ATP2C2: variants seen among roughly 807,000 people sequenced by gnomAD.
ATP2C2 encodes the protein ATPase secretory pathway Ca2+ transporting 2.
A neutral mutation model predicts 110.8 loss-of-function variants in ATP2C2; 171 were observed. The ratio of observed to expected loss-of-function variants is 1.54; its 90% confidence interval spans 1.36 to 1.75. The LOEUF (loss-of-function observed/expected upper bound fraction) is 1.75. ATP2C2 is among the 40% of genes most tolerant of loss of function. The pLI is 0.00. For synonymous variants in ATP2C2, 804 were observed against 508.4 expected (o/e 1.58, Z -7.82); for missense variants, 1,963 against 1,235.0 (o/e 1.59, Z -8.84).
chr16:84,403,889 C>A (rs1349057605), intron 2 of ATP2C2, among the ~76,000 whole-genome samples: 1 of 152,148 alleles, frequency 6.6e-6, no homozygotes, highest in African/African-American at 2.4e-5. Context: ...CGGGCTTTTG[C>A]CATGTTGACA....
intron 2 of ATP2C2, among the ~76,000 whole-genome samples, chr16:84,399,945 C>A (rs1405562239): frequency 6.6e-6 from 1 of 152,214 alleles, no homozygotes; most frequent in Non-Finnish European, 1.5e-5. Context: ...AACCATCCTA[C>A]TATCTCCATG....
chr16:84,454,336 G>T (rs1210031550), intron 20 of ATP2C2, among the ~76,000 whole-genome samples: 2 of 152,238 alleles, frequency 1.3e-5, no homozygotes, highest in East Asian at 3.9e-4. Context: ...TGGTTTTCTC[G>T]CCTGTGCTCT....
intron 11 of ATP2C2, among the ~76,000 whole-genome samples, chr16:84,429,354 T>C (rs11646821): frequency 0.37 from 56,738 of 151,884 alleles, 10,750 homozygotes; most frequent in South Asian, 0.4. Context: ...GATTTCACCA[T>C]GTTGGCTAGG....
chr16:84,411,255 C>A (rs751993951), intron 6 of ATP2C2, among the ~76,000 whole-genome samples: 17 of 152,058 alleles, frequency 1.1e-4, no homozygotes, highest in Non-Finnish European at 1.9e-4. Flanking sequence ...AGCCTCTTTC[C>A]TGCCCACAGT....
rs200531713 is a variant in ATP2C2 at position 84,423,194 on chromosome 16, A to G, written c.850A>G (p.Lys284Glu). ...FKMMQAEETP[K>E]TPLQKSMDRL... ...ATTGTGCTCACCCTTTCAGACACCT[A>G]AAACTCCTTTGCAGAAAAGCATGGA... Residue 284 changes from lysine (K) to glutamate (E), a missense_variant, in exon 10 of 27, where the codon AAA becomes GAA. Transcript: ENST00000262429. The G allele has an allele frequency of 1.6e-4, 258 of 1,614,054 alleles. No individual in the cohort carries two copies. The highest frequency in any genetic ancestry group is 6.7e-4 in the African/African-American group (50 of 75,056).
At chr16:84,391,140 A>T (rs1904639654) in intron 1 of ATP2C2, among the ~76,000 whole-genome samples, 1 of 150,568 alleles carries the variant, frequency 6.6e-6, no homozygotes, top group Admixed American at 6.6e-5. Context: ...AAAAAGAAGA[A>T]GAAGAAGGGA....
chr16:84,448,613 C>A lies in ATP2C2; in HGVS notation c.1584C>A (p.Ile528=), dbSNP rs1909977921. The change falls in exon 17 of 27, where the codon ATC becomes ATA. Residue 528 remains isoleucine, a synonymous_variant. Transcript: ENST00000262429. The stretch of plus-strand genomic sequence containing the variant: ...GCACCATGTACAACAACGGGGGCAT[C>A]CCCCTGCCGCTGACGCCCCAGCAGA... ...RYCTMYNNGG[I]PLPLTPQQRS... 6.2e-7 allele frequency: 1 copy of A among 1,613,900 alleles called. No homozygotes were observed. Among genetic ancestry groups the A allele is most frequent in the African/African-American group, 1.3e-5 (1 of 74,922 alleles).
At chr16:84,409,775 T>C (rs540714739) in intron 4 of ATP2C2, among the ~76,000 whole-genome samples, 1 of 152,286 alleles carries the variant, frequency 6.6e-6, no homozygotes, top group South Asian at 2.1e-4. Context: ...ATAGCTGGGA[T>C]TGTAGGCGTG....
chr16:84,439,053 A>G, intron 11 of ATP2C2, 113 bp from the exon 12 acceptor site: 1 of 1,467,428 alleles, frequency 6.8e-7, no homozygotes, highest in Non-Finnish European at 9.3e-7. Flanking sequence ...TAGAACCAGG[A>G]CACTGGGGAC....
At chr16:84,394,013 AAAAAAT>A (rs1423307294) in intron 1 of ATP2C2, among the ~76,000 whole-genome samples, 4 of 131,814 alleles carry the variant, frequency 3.0e-5, no homozygotes, top group Non-Finnish European at 6.9e-5. Flanking sequence ...AAAAAAAATA[AAAAAAT>A]AAAAAATAAA....
At chr16:84,408,305 C>G (rs1234687811) in intron 3 of ATP2C2, 100 bp from the exon 4 acceptor site, 2 of 1,165,030 alleles carry the variant, frequency 1.7e-6, no homozygotes, top group African/African-American at 3.0e-5. Context: ...AAGCCTGGCC[C>G]TGAACTGAGA....
At chr16:84,448,372 C>T (rs1260424212) in intron 16 of ATP2C2, among the ~76,000 whole-genome samples, 161 bp from the exon 17 acceptor site, 1 of 152,178 alleles carries the variant, frequency 6.6e-6, no homozygotes, top group Non-Finnish European at 1.5e-5. Context: ...TAGAACTTCG[C>T]GAACCTGTCC....
intron 6 of ATP2C2, among the ~76,000 whole-genome samples, chr16:84,412,452 CTG>C (rs138173740): frequency 0.1 from 14,244 of 139,916 alleles, 1,080 homozygotes; most frequent in East Asian, 0.35. Context: ...ATGTGTGTGT[CTG>C]TGTCTCCGTG....
chr16:84,406,646 C>T (rs1428549923), intron 3 of ATP2C2: 2 of 985,408 alleles, frequency 2.0e-6, no homozygotes, highest in Non-Finnish European at 2.4e-6. Flanking sequence ...AAATAGGCTT[C>T]TGGGTATGTA....
At chr16:84,433,349 C>T (rs990920402) in intron 11 of ATP2C2, among the ~76,000 whole-genome samples, 1 of 152,038 alleles carries the variant, frequency 6.6e-6, no homozygotes, top group African/African-American at 2.4e-5. Context: ...TGCCACTGCA[C>T]TCCAACCTGG....
intron 11 of ATP2C2, among the ~76,000 whole-genome samples, chr16:84,427,578 G>A (rs978457601): frequency 6.6e-6 from 1 of 152,102 alleles, no homozygotes; most frequent in South Asian, 2.1e-4. Context: ...TTAACTGGGT[G>A]TGGTGGCAGG....
chr16:84,455,181 C>T (rs1236932934), intron 21 of ATP2C2, among the ~76,000 whole-genome samples, 197 bp downstream of exon 21: 1 of 151,930 alleles, frequency 6.6e-6, no homozygotes, highest in Non-Finnish European at 1.5e-5. Context: ...GTCATGGGGT[C>T]CATGATGCCT....
chr16:84,460,655 T>G lies in ATP2C2; in HGVS notation c.2335T>G (p.Leu779Val), dbSNP rs755594312. ...GTGTCTGTGTCTTGTTCGGAGCAGC[T>G]TGGGGGTAGAGCCCGTTGACAAAGA... ...IIMDGPPAQS[L>V]GVEPVDKDAF... The change falls in exon 24 of 27, where the codon TTG (leucine) becomes GTG (valine). Residue 779 changes from leucine (L) to valine (V), a missense_variant and splice_region_variant. Transcript: ENST00000262429. 2 of 1,614,086 alleles carry G rather than the reference T, an allele frequency of 1.2e-6. No individual in the cohort carries two copies. Among genetic ancestry groups the G allele is most frequent in the African/African-American group, 2.7e-5 (2 of 74,918 alleles).
chr16:84,424,576 C>CTTTTTTTTTTTTTTT lies in ATP2C2; in HGVS notation c.920-1150_920-1136dup, dbSNP rs371614449. On this transcript the variant is annotated intron_variant, in intron 10 of 26. Transcript: ENST00000262429. ...TACAGGCATGAGCCACCGCACTGGG[C>CTTTTTTTTTTTTTTT]TTTTTTTTTTTTTTTTTTTTTTTAA... Among the ~76,000 whole-genome samples, 90 of 114,868 alleles carry CTTTTTTTTTTTTTTT rather than the reference C, an allele frequency of 7.8e-4. 6 individuals carry two copies. The highest frequency in any genetic ancestry group is 3.3e-3 in the African/African-American group (83 of 24,880). 75.4% of individuals were successfully genotyped at this position (114,868 alleles called of 152,430 possible). A position where few individuals can be genotyped will look rare whatever the true frequency, so the allele number is the denominator to read the frequency against.
Sources: gnomAD v4.1 joint callset for allele counts (sites outside exome capture counted in the v4.1 genomes callset) on GRCh38, gnomAD v4.1.1 for gene constraint, MANE v1.5 for transcripts, NCBI Gene and HGNC (gene_info 2026-07-23, HGNC 2026-07-21) for gene names.